Variants in POU6F2 observed in about 807,000 individuals in gnomAD.
POU6F2 encodes POU domain, class 6, transcription factor 2.
In POU6F2, 31 loss-of-function variants were observed where a neutral mutation model predicts 71.3. The observed-to-expected ratio is 0.43, with a 90% CI of 0.33 to 0.59. The LOEUF is 0.59. Ranked by LOEUF, POU6F2 falls within the 20% of genes least tolerant of loss-of-function variation. POU6F2 has a pLI of 0.04. For synonymous variants in POU6F2, 347 were observed against 355.7 expected (o/e 0.98, Z 0.27); for missense variants, 783 against 856.8 (o/e 0.91, Z 1.07).
At chr7:39,140,941 C>T (rs1245371955) in intron 2 of POU6F2, among the ~76,000 whole-genome samples, 1 of 152,130 alleles carries the variant, frequency 6.6e-6, no homozygotes, top group East Asian at 1.9e-4. Context: ...GACACCACTG[C>T]AACACAGGGG....
chr7:39,293,111 C>T (rs1784792006), intron 4 of POU6F2, among the ~76,000 whole-genome samples: 1 of 152,172 alleles, frequency 6.6e-6, no homozygotes, highest in South Asian at 2.1e-4. Context: ...TTACACTTTG[C>T]TGTTAGCCGC....
At chr7:39,068,490 C>CAT (rs3057275) in intron 1 of POU6F2, among the ~76,000 whole-genome samples, 30,425 of 146,534 alleles carry the variant, frequency 0.21, 3,438 homozygotes, top group African/African-American at 0.29. Flanking sequence ...CTAGTACATG[C>CAT]ATATATATAT....
At position 39,356,189 on chromosome 7, in the gene POU6F2, C is replaced by A. The variant is rs79198784; in HGVS notation, c.972+16174C>A. On this transcript the variant is annotated intron_variant, in intron 5 of 9. Transcript: ENST00000518318. ...CTAAAAGAACATTTAGTTTATATCACCTCCATGCTCAAACCCTCTGCTGGC... is the reference window on the plus strand; with the variant it reads ...CTAAAAGAACATTTAGTTTATATCAACTCCATGCTCAAACCCTCTGCTGGC... 2.0e-3 allele frequency among the ~76,000 whole-genome samples: 299 copies of A among 152,346 alleles called. 2 individuals are homozygous for A. The highest frequency in any genetic ancestry group is 7.7e-4 in the East Asian group (4 of 5,186).
At chr7:39,131,838 T>TTC (rs1481484853) in intron 2 of POU6F2, among the ~76,000 whole-genome samples, 2 of 127,018 alleles carry the variant, frequency 1.6e-5, no homozygotes, top group Non-Finnish European at 3.6e-5. Flanking sequence ...TATTTTGTTT[T>TTC]ATATTTTTTT....
At chr7:39,420,810 C>T (rs1346078481) in intron 6 of POU6F2, among the ~76,000 whole-genome samples, 1 of 152,124 alleles carries the variant, frequency 6.6e-6, no homozygotes, top group African/African-American at 2.4e-5. Flanking sequence ...CCTGACAAGG[C>T]TGTACTTTGA....
At chr7:39,411,994 T>C (rs186357323) in intron 6 of POU6F2, among the ~76,000 whole-genome samples, 179 of 152,246 alleles carry the variant, frequency 1.2e-3, no homozygotes, top group Admixed American at 3.9e-3. Flanking sequence ...ATGGAGATGT[T>C]GCTCTGGGTT....
intron 1 of POU6F2, among the ~76,000 whole-genome samples, chr7:39,070,243 G>C (rs184988990): frequency 2.0e-5 from 3 of 152,122 alleles, no homozygotes; most frequent in African/African-American, 7.2e-5. Context: ...TTGAATTTTC[G>C]TAAGATATGG....
At chr7:39,197,206 C>A (rs1584596155) in intron 2 of POU6F2, among the ~76,000 whole-genome samples, 1 of 152,202 alleles carries the variant, frequency 6.6e-6, no homozygotes, top group Admixed American at 6.5e-5. Context: ...GTGGCTGTCA[C>A]ATGCTCCACT....
chr7:39,069,136 G>C (rs746133961), intron 1 of POU6F2, among the ~76,000 whole-genome samples: 1 of 152,174 alleles, frequency 6.6e-6, no homozygotes, highest in Non-Finnish European at 1.5e-5. Context: ...GATTGAAGTT[G>C]AGACTTAAAA....
chr7:39,341,412 G>A (rs184412176), intron 5 of POU6F2, among the ~76,000 whole-genome samples: 36 of 152,116 alleles, frequency 2.4e-4, no homozygotes, highest in South Asian at 4.2e-4. Flanking sequence ...TTTGACCTAG[G>A]ACTAAAATGA....
intron 1 of POU6F2, among the ~76,000 whole-genome samples, chr7:39,078,738 C>T (rs777595705): frequency 6.6e-6 from 1 of 152,064 alleles, no homozygotes; most frequent in East Asian, 1.9e-4. Context: ...CCAGGCTGCC[C>T]CAGAGGAACA....
intron 7 of POU6F2, among the ~76,000 whole-genome samples, chr7:39,451,132 C>T (rs959103775): frequency 3.3e-5 from 5 of 152,034 alleles, no homozygotes; most frequent in African/African-American, 1.2e-4. Flanking sequence ...CACAGCCACA[C>T]CTTTAAGTTT....
intron 4 of POU6F2, among the ~76,000 whole-genome samples, chr7:39,241,669 G>GA: frequency 6.6e-6 from 1 of 152,236 alleles, no homozygotes; most frequent in South Asian, 2.1e-4. Context: ...GATCAGTTTG[G>GA]AAAAATAAAT....
chr7:39,108,923 A>G (rs986544945), intron 2 of POU6F2, among the ~76,000 whole-genome samples: 10 of 152,232 alleles, frequency 6.6e-5, no homozygotes, highest in African/African-American at 2.4e-4. Flanking sequence ...AACTAGAGGA[A>G]AAAGGTTAAG....
At chr7:39,104,465 G>A (rs780069046) in intron 2 of POU6F2, among the ~76,000 whole-genome samples, 5 of 152,214 alleles carry the variant, frequency 3.3e-5, no homozygotes, top group Non-Finnish European at 7.3e-5. Flanking sequence ...TTGGTGGCCA[G>A]AGTAGCTGTA....
chr7:39,127,633 C>CGGG (rs1253400939), intron 2 of POU6F2, among the ~76,000 whole-genome samples: 1 of 151,876 alleles, frequency 6.6e-6, no homozygotes, highest in Admixed American at 6.6e-5. Flanking sequence ...GCTAGATTAG[C>CGGG]GGGGGCTGAC....
At position 39,467,087 on chromosome 7, in the gene POU6F2, A is replaced by T. The variant is rs1182287460; in HGVS notation, c.*2401A>T. ...GGGAGGGTCTAACTAGGACAGGGAA[A>T]ATATAAAATAAAAGTAATCTTCCAG... is the stretch of plus-strand genomic sequence containing the variant. On this transcript the variant is annotated 3_prime_UTR_variant, in exon 10 of 10. Transcript: ENST00000518318. The T allele has an allele frequency of 5.3e-5, 8 of 152,230 alleles. No homozygotes were observed. Among genetic ancestry groups the T allele is most frequent in the Admixed American group, 5.2e-4 (8 of 15,274 alleles). 9.4% of individuals were successfully genotyped at this position (152,230 alleles called of 1,614,324 possible).
chr7:39,376,204 G>A (rs1031624333), intron 5 of POU6F2, among the ~76,000 whole-genome samples: 1 of 152,142 alleles, frequency 6.6e-6, no homozygotes, highest in Non-Finnish European at 1.5e-5. Context: ...TGATTAATTT[G>A]CCTTATAGGG....
At chr7:39,459,249 T>C (rs1046233733) in intron 8 of POU6F2, among the ~76,000 whole-genome samples, 2 of 152,244 alleles carry the variant, frequency 1.3e-5, no homozygotes, top group African/African-American at 4.8e-5. Flanking sequence ...TTGTCGTTGT[T>C]GTTTTAATGT....
Sources: allele counts gnomAD v4.1 joint callset (sites outside exome capture counted in the v4.1 genomes callset), GRCh38; gene constraint gnomAD v4.1.1; transcripts MANE v1.5; gene names NCBI Gene and HGNC (gene_info 2026-07-23, HGNC 2026-07-21).